The following ZNF407 variants were observed in gnomAD, a reference collection of about 807,000 sequenced individuals.
ZNF407 encodes the protein zinc finger protein 407.
A neutral mutation model predicts 131.2 loss-of-function variants in ZNF407; 17 were observed. That is an observed-to-expected ratio of 0.13 (90% confidence interval 0.09 to 0.19). The LOEUF is 0.19. Among genes scored for constraint, ZNF407 ranks in the 10% least tolerant of loss-of-function variants. The pLI is 1.00. For missense variants in ZNF407, 2,681 were observed against 2,830.6 expected (o/e 0.95, Z 1.20); for synonymous variants, 1,156 against 1,062.0 (o/e 1.09, Z -1.72).
intron 8 of ZNF407, among the ~76,000 whole-genome samples, chr18:75,032,616 A>G (rs895622872): frequency 5.9e-5 from 9 of 152,176 alleles, no homozygotes; most frequent in African/African-American, 9.7e-5. Context: ...CTTCATACGC[A>G]TTTAGCATAC....
intron 8 of ZNF407, among the ~76,000 whole-genome samples, chr18:74,952,920 T>C (rs1417607318): frequency 1.3e-5 from 2 of 152,164 alleles, no homozygotes; most frequent in Admixed American, 6.5e-5. Flanking sequence ...AACATGGACT[T>C]GGCAGAGCCG....
chr18:74,675,058 C>T (rs1022650700), intron 3 of ZNF407, among the ~76,000 whole-genome samples: 7 of 152,104 alleles, frequency 4.6e-5, no homozygotes, highest in African/African-American at 1.7e-4. Flanking sequence ...TTATTTGTGT[C>T]CCAAAACTTT....
chr18:74,950,203 C>T (rs1413042968), intron 8 of ZNF407, among the ~76,000 whole-genome samples: 1 of 152,210 alleles, frequency 6.6e-6, no homozygotes. Flanking sequence ...GTCCAGCTCA[C>T]GTCTTCCAAA....
At chr18:74,773,961 A>C (rs1439493157) in intron 3 of ZNF407, among the ~76,000 whole-genome samples, 1 of 152,254 alleles carries the variant, frequency 6.6e-6, no homozygotes, top group African/African-American at 2.4e-5. Flanking sequence ...GGTCTGGAGC[A>C]TGGACAGTGA....
intron 8 of ZNF407, among the ~76,000 whole-genome samples, chr18:74,964,540 G>C (rs1244197094): frequency 6.9e-6 from 1 of 144,586 alleles, no homozygotes; most frequent in African/African-American, 2.5e-5. Context: ...TACTACAAAT[G>C]AATCATCTGA....
intron 4 of ZNF407, among the ~76,000 whole-genome samples, chr18:74,852,215 A>ACG (rs1167790874): frequency 1.8e-3 from 280 of 151,748 alleles, no homozygotes; most frequent in Middle Eastern, 6.8e-3. Flanking sequence ...ACGCACGCGC[A>ACG]CGCGCGCGCG....
chr18:74,603,493 A>G (rs1033650384), intron 1 of ZNF407, among the ~76,000 whole-genome samples: 1 of 152,204 alleles, frequency 6.6e-6, no homozygotes, highest in African/African-American at 2.4e-5. Context: ...TCTTCTCTCT[A>G]TGAAGCAGTT....
chr18:74,890,121 GT>G lies in ZNF407; in HGVS notation c.5249+88del, dbSNP rs373187694. 28 of 1,329,982 alleles carry G rather than the reference GT, an allele frequency of 2.1e-5. No homozygotes were observed. In the African/African-American group the frequency reaches 3.8e-4, roughly 18 times the overall value. 82.4% of individuals were successfully genotyped at this position (1,329,982 alleles called of 1,614,324 possible). A position where few individuals can be genotyped will look rare whatever the true frequency, so the allele number is the denominator to read the frequency against. On this transcript the variant is annotated intron_variant, in intron 7 of 8. Coordinates refer to ENST00000299687, the MANE Select transcript of ZNF407 (RefSeq NM_017757.3). ...CCGTTAAATCCCAATTAGAAGTGTA[GT>G]TTTTCTAATCACCATGAGTTCATAT...
At chr18:74,764,431 A>C (rs1296199302) in intron 3 of ZNF407, among the ~76,000 whole-genome samples, 1 of 152,176 alleles carries the variant, frequency 6.6e-6, no homozygotes, top group Non-Finnish European at 1.5e-5. Flanking sequence ...TTTTTAAAAA[A>C]TATCTTCCAT....
intron 4 of ZNF407, among the ~76,000 whole-genome samples, chr18:74,860,692 G>A (rs1347011168): frequency 6.6e-6 from 1 of 151,812 alleles, no homozygotes; most frequent in East Asian, 1.9e-4. Flanking sequence ...TTTTTGTTTT[G>A]GGTATCATAG....
intron 3 of ZNF407, among the ~76,000 whole-genome samples, chr18:74,684,201 T>A (rs1967046353): frequency 6.6e-6 from 1 of 152,016 alleles, no homozygotes; most frequent in Non-Finnish European, 1.5e-5. Flanking sequence ...GGCCTCTAAA[T>A]TTTTCAAAAG....
At chr18:75,007,376 A>G (rs957661216) in intron 8 of ZNF407, among the ~76,000 whole-genome samples, 2 of 152,098 alleles carry the variant, frequency 1.3e-5, no homozygotes, top group Non-Finnish European at 2.9e-5. Context: ...ACAAGTGTAA[A>G]TGTTGCTAAC....
chr18:74,804,552 A>G (rs984735440), intron 4 of ZNF407: 1 of 986,686 alleles, frequency 1.0e-6, no homozygotes. Flanking sequence ...CTTTGTTTGT[A>G]TGTGGAGAGG....
At chr18:74,824,450 AATAG>A (rs1449443570) in intron 4 of ZNF407, among the ~76,000 whole-genome samples, 4 of 152,312 alleles carry the variant, frequency 2.6e-5, no homozygotes, top group East Asian at 3.9e-4. Context: ...AGATCAACAA[AATAG>A]ATAGACCGCT....
intron 3 of ZNF407, among the ~76,000 whole-genome samples, chr18:74,716,784 T>C (rs761081686): frequency 1.1e-4 from 16 of 152,356 alleles, no homozygotes; most frequent in African/African-American, 1.7e-4. Flanking sequence ...TAATGTTTGT[T>C]TGTAGTTCAG....
At chr18:74,779,344 G>A (rs559927442) in intron 3 of ZNF407, among the ~76,000 whole-genome samples, 36 of 151,496 alleles carry the variant, frequency 2.4e-4, no homozygotes, top group African/African-American at 8.7e-4. Flanking sequence ...TCAATCTCCC[G>A]ACCTTGTGAT....
Position 75,063,610 on chromosome 18 carries a change from G to A in ZNF407, c.5889G>A (p.Val1963=), listed in dbSNP as rs1295821564. The part of the protein sequence containing the change: ...MDESLSPGGA[V]IQQVTKQEIL... The stretch of plus-strand genomic sequence containing the variant: ...AGTCCCTCAGTCCAGGTGGCGCTGT[G>A]ATACAACAGGTGACCAAGCAGGAGA... Residue 1963 remains valine, a synonymous_variant, in exon 9 of 9, where the codon GTG becomes GTA. Coordinates refer to ENST00000299687, the MANE Select transcript of ZNF407 (RefSeq NM_017757.3). This position sits in a 1 kb window ranked among gnomAD's most constrained non-coding sequence, Gnocchi z 6.6. The A allele has an allele frequency of 1.3e-6, 2 of 1,579,570 alleles. No individual in the cohort carries two copies. The highest frequency in any genetic ancestry group is 8.6e-7 in the Non-Finnish European group (1 of 1,164,206).
intron 7 of ZNF407, among the ~76,000 whole-genome samples, chr18:74,897,448 A>G (rs1386528822): frequency 6.6e-6 from 1 of 152,202 alleles, no homozygotes; most frequent in Non-Finnish European, 1.5e-5. Flanking sequence ...TAGAATCCAG[A>G]TAAACATGTT....
At chr18:75,044,308 C>T (rs181304617) in intron 8 of ZNF407, among the ~76,000 whole-genome samples, 34 of 150,730 alleles carry the variant, frequency 2.3e-4, no homozygotes, top group African/African-American at 7.6e-4. Flanking sequence ...TTCATGAAAG[C>T]GTTTTGTTGG....
Sources: gnomAD v4.1 joint callset for allele counts (sites outside exome capture counted in the v4.1 genomes callset) on GRCh38, gnomAD v4.1.1 for gene constraint, Gnocchi (gnomAD v3.1) non-coding constraint, MANE v1.5 for transcripts, NCBI Gene and HGNC (gene_info 2026-07-23, HGNC 2026-07-21) for gene names.